The following NBEA variants were observed in gnomAD, a reference collection of about 807,000 sequenced individuals.
NBEA encodes the protein lysosomal-trafficking regulator 2.
In NBEA, 44 loss-of-function variants were observed where a neutral mutation model predicts 343.4. The ratio of observed to expected loss-of-function variants is 0.13; its 90% CI spans 0.10 to 0.16. The LOEUF is 0.16. Ranked by LOEUF, NBEA falls within the 10% of genes least tolerant of loss-of-function variation. The probability of loss-of-function intolerance (pLI) is 1.00; values close to 1 mark genes in which losing one functional copy is unlikely to be tolerated. For missense variants in NBEA, 2,555 were observed against 3,631.3 expected, an observed-to-expected ratio of 0.70 and a Z score of 7.62; for synonymous variants, 1,175 against 1,238.7, an observed-to-expected ratio of 0.95 and a Z score of 1.08.
chr13:35,484,268 G>GTA (rs1469143902), intron 41 of NBEA, among the ~76,000 whole-genome samples: 184 of 107,362 alleles, frequency 1.7e-3, no homozygotes, highest in African/African-American at 4.3e-3. Context: ...GTGTGTGTGT[G>GTA]TGTGTGTATA....
At chr13:35,177,704 G>A (rs1181712946) in intron 28 of NBEA, among the ~76,000 whole-genome samples, 1 of 151,714 alleles carries the variant, frequency 6.6e-6, no homozygotes, top group Non-Finnish European at 1.5e-5. Flanking sequence ...AACATATATG[G>A]TGTTTCACAT....
At chr13:35,487,761 A>G (rs1373359632) in intron 41 of NBEA, among the ~76,000 whole-genome samples, 1 of 151,914 alleles carries the variant, frequency 6.6e-6, no homozygotes, top group African/African-American at 2.4e-5. Context: ...TAACAAATAT[A>G]TGCTTTTTAA....
chr13:35,503,036 G>A (rs999212037), intron 41 of NBEA, among the ~76,000 whole-genome samples: 1 of 152,034 alleles, frequency 6.6e-6, no homozygotes, highest in Non-Finnish European at 1.5e-5. Context: ...GCATGTAAAT[G>A]TTTACTAGTT....
intron 56 of NBEA, 69 bp downstream of exon 56, chr13:35,665,255 C>A: frequency 7.9e-7 from 1 of 1,272,324 alleles, no homozygotes; most frequent in South Asian, 1.3e-5. Context: ...GCGTGATTGT[C>A]AGTTTATTTC....
chr13:35,442,182 A>G (rs2045775808), intron 39 of NBEA, among the ~76,000 whole-genome samples: 3 of 152,142 alleles, frequency 2.0e-5, no homozygotes, highest in Non-Finnish European at 2.9e-5. Flanking sequence ...ATTTCATGTT[A>G]GTCTTTTTCT....
intron 52 of NBEA, 101 bp downstream of exon 52, chr13:35,649,948 T>C: frequency 1.8e-6 from 2 of 1,135,484 alleles, no homozygotes; most frequent in Middle Eastern, 2.9e-4. Flanking sequence ...TCCCACATTA[T>C]CTACAAAAAA....
At chr13:35,480,058 G>GAAAAAAAA (rs35107997) in intron 41 of NBEA, among the ~76,000 whole-genome samples, 1 of 136,364 alleles carries the variant, frequency 7.3e-6, no homozygotes, top group Non-Finnish European at 1.6e-5. Flanking sequence ...TACCAGTTAG[G>GAAAAAAAA]AAAAAAAAAA....
chr13:35,522,770 C>T (rs1477374626), intron 41 of NBEA, among the ~76,000 whole-genome samples: 3 of 152,016 alleles, frequency 2.0e-5, no homozygotes, highest in Non-Finnish European at 4.4e-5. Context: ...TTGGAGGGAT[C>T]TAGGGTGCAC....
At chr13:35,074,007 T>A (rs1251604286) in intron 10 of NBEA, among the ~76,000 whole-genome samples, 1 of 152,162 alleles carries the variant, frequency 6.6e-6, no homozygotes, top group Non-Finnish European at 1.5e-5. Flanking sequence ...ATGGATTTAT[T>A]TTTGCTGGAT....
intron 1 of NBEA, among the ~76,000 whole-genome samples, chr13:35,022,835 T>A (rs1375901973): frequency 6.6e-6 from 1 of 152,164 alleles, no homozygotes; most frequent in Non-Finnish European, 1.5e-5. Flanking sequence ...AATGAGGCTA[T>A]ACACATAAAT....
intron 41 of NBEA, among the ~76,000 whole-genome samples, chr13:35,524,974 T>C (rs2077898973): frequency 6.6e-6 from 1 of 152,218 alleles, no homozygotes; most frequent in Non-Finnish European, 1.5e-5. Flanking sequence ...ATCCTTTTTT[T>C]AATTTAGAGA....
intron 41 of NBEA, among the ~76,000 whole-genome samples, chr13:35,527,269 G>A (rs993025978): frequency 7.9e-5 from 12 of 152,064 alleles, no homozygotes; most frequent in African/African-American, 2.7e-4. Flanking sequence ...CCATCTGATC[G>A]GCCGAACGGT....
chr13:35,560,643 G>A (rs2079816408), intron 44 of NBEA, among the ~76,000 whole-genome samples: 7 of 152,206 alleles, frequency 4.6e-5, no homozygotes. Flanking sequence ...AAAGGCTTCA[G>A]TAGATCCCAC....
At chr13:35,118,323 ATTT>A in intron 15 of NBEA, 33 bp downstream of exon 15, 1 of 1,564,918 alleles carries the variant, frequency 6.4e-7, no homozygotes. Flanking sequence ...TATTTTAATT[ATTT>A]AAGCCAATCT....
intron 41 of NBEA, among the ~76,000 whole-genome samples, chr13:35,504,743 G>A (rs2077010662): frequency 2.0e-5 from 3 of 151,772 alleles, no homozygotes; most frequent in African/African-American, 7.3e-5. Flanking sequence ...ATCATAGCTG[G>A]GATTATAGGC....
intron 39 of NBEA, among the ~76,000 whole-genome samples, chr13:35,445,644 GTGT>G (rs1176984123): frequency 2.0e-5 from 3 of 151,452 alleles, no homozygotes; most frequent in African/African-American, 7.3e-5. Flanking sequence ...GTGTGTTTAT[GTGT>G]TTTCATTTAC....
chr13:35,099,630 A>G (rs946922407), intron 11 of NBEA, among the ~76,000 whole-genome samples: 18 of 152,158 alleles, frequency 1.2e-4, no homozygotes, highest in African/African-American at 4.1e-4. Context: ...TTGTGGTAAT[A>G]GAAACATTAT....
At chr13:35,332,793 G>T (rs180768073) in intron 36 of NBEA, among the ~76,000 whole-genome samples, 107 of 152,174 alleles carry the variant, frequency 7.0e-4, no homozygotes, top group African/African-American at 2.4e-3. Context: ...AGTATATTAT[G>T]GAGGTAAAAT....
chr13:35,196,326 C>G, intron 31 of NBEA, 24 bp downstream of exon 31: 1 of 1,572,844 alleles, frequency 6.4e-7, no homozygotes, highest in Non-Finnish European at 8.6e-7. Context: ...TTATTATTCA[C>G]AGGGCTTTAT....
Sources: allele counts gnomAD v4.1 joint callset (sites outside exome capture counted in the v4.1 genomes callset), GRCh38; gene constraint gnomAD v4.1.1; transcripts MANE v1.5; gene names NCBI Gene and HGNC (gene_info 2026-07-23, HGNC 2026-07-21).